OPCML: variants seen among roughly 807,000 people sequenced by gnomAD.
The protein encoded by OPCML is opioid binding protein/cell adhesion molecule like.
In OPCML, 13 loss-of-function variants were observed where a neutral mutation model predicts 37.8. The observed-to-expected ratio is 0.34, with a 90% CI of 0.22 to 0.55. OPCML has a LOEUF of 0.55. Ranked by LOEUF, OPCML falls within the 20% of genes least tolerant of loss-of-function variation. The probability of loss-of-function intolerance (pLI) is 0.91; values close to 1 mark genes in which losing one functional copy is unlikely to be tolerated. For missense variants in OPCML, 341 were observed against 435.6 expected (o/e 0.78, Z 1.93); for synonymous variants, 176 against 168.8 (o/e 1.04, Z -0.33).
chr11:132,832,539 T>C (rs1940756322), intron 2 of OPCML, among the ~76,000 whole-genome samples: 1 of 152,160 alleles, frequency 6.6e-6, no homozygotes, highest in Non-Finnish European at 1.5e-5. Context: ...ATTAATCAGA[T>C]TTTCCAAAAA....
chr11:133,279,071 T>C (rs949003872), intron 1 of OPCML, among the ~76,000 whole-genome samples: 1 of 152,200 alleles, frequency 6.6e-6, no homozygotes, highest in African/African-American at 2.4e-5. Flanking sequence ...CTCCAGACCT[T>C]GCCACTAGTA....
chr11:132,861,947 T>C (rs891126491), intron 2 of OPCML, among the ~76,000 whole-genome samples: 2 of 152,212 alleles, frequency 1.3e-5, no homozygotes, highest in Non-Finnish European at 2.9e-5. Flanking sequence ...GGTACTTGTT[T>C]AGTCTTTTTG....
At chr11:132,580,419 C>A (rs2096459897) in intron 3 of OPCML, among the ~76,000 whole-genome samples, 1 of 152,124 alleles carries the variant, frequency 6.6e-6, no homozygotes, top group Admixed American at 6.5e-5. Context: ...ATCATGAATT[C>A]ATAGCAGTCA....
chr11:133,430,272 A>C (rs1946090576), intron 1 of OPCML, among the ~76,000 whole-genome samples: 1 of 152,184 alleles, frequency 6.6e-6, no homozygotes, highest in South Asian at 2.1e-4. Flanking sequence ...AAAAGAGGAA[A>C]GAAATTGAAG....
intron 4 of OPCML, among the ~76,000 whole-genome samples, chr11:132,490,539 C>T (rs1397657950): frequency 6.9e-6 from 1 of 144,370 alleles, no homozygotes; most frequent in Non-Finnish European, 1.5e-5. Flanking sequence ...ATCTTCCGGC[C>T]TGACCTTTGC....
chr11:133,122,368 T>C (rs905262763), intron 1 of OPCML, among the ~76,000 whole-genome samples: 14 of 152,202 alleles, frequency 9.2e-5, no homozygotes, highest in Admixed American at 4.6e-4. Flanking sequence ...TAAAGTCTTC[T>C]CCAAGAAAAA....
At chr11:132,897,962 C>T (rs1009692250) in intron 2 of OPCML, among the ~76,000 whole-genome samples, 8 of 152,172 alleles carry the variant, frequency 5.3e-5, no homozygotes, top group African/African-American at 1.9e-4. Flanking sequence ...TGTTAATATT[C>T]AGGAGGGTAG....
intron 1 of OPCML, among the ~76,000 whole-genome samples, chr11:133,175,662 T>G (rs1325247866): frequency 1.3e-5 from 2 of 151,606 alleles, no homozygotes; most frequent in Admixed American, 6.6e-5. Flanking sequence ...ACTGACTTTT[T>G]TTTTTTTTTT....
intron 2 of OPCML, among the ~76,000 whole-genome samples, chr11:132,832,769 C>T (rs563568633): frequency 1.3e-5 from 2 of 152,168 alleles, no homozygotes; most frequent in Non-Finnish European, 2.9e-5. Context: ...GCCTACTGCA[C>T]ACCTAGGCTA....
chr11:132,809,999 G>A (rs997874476), intron 2 of OPCML, among the ~76,000 whole-genome samples: 11 of 152,166 alleles, frequency 7.2e-5, no homozygotes, highest in South Asian at 6.2e-4. Flanking sequence ...ACAGGCGCCC[G>A]CCACCACGCC....
intron 1 of OPCML, among the ~76,000 whole-genome samples, chr11:133,318,187 A>G (rs1432145324): frequency 6.6e-6 from 1 of 152,188 alleles, no homozygotes; most frequent in Admixed American, 6.5e-5. Context: ...TGATCAGAAC[A>G]TACACACGTC....
Position 133,447,962 on chromosome 11 carries a change from TA to T in OPCML, c.61+84301del, listed in dbSNP as rs142793446. ...AGTGTTTTATTAGCTATGTAAGTTT[TA>T]AATGTTGGCTTTCAGCCTGTGGCTA... is the stretch of plus-strand genomic sequence containing the variant. On this transcript the variant is annotated intron_variant, in intron 1 of 7. Coordinates refer to ENST00000524381, the MANE Select transcript of OPCML (RefSeq NM_001012393.5). Among the ~76,000 whole-genome samples, 1,098 of 152,368 alleles carry T rather than the reference TA, an allele frequency of 7.2e-3. 11 individuals carry two copies. The highest frequency in any genetic ancestry group is 0.025 in the African/African-American group (1,054 of 41,594).
At chr11:132,666,194 G>T (rs115039056) in intron 2 of OPCML, among the ~76,000 whole-genome samples, 1 of 152,112 alleles carries the variant, frequency 6.6e-6, no homozygotes, top group African/African-American at 2.4e-5. Flanking sequence ...CGTGGCTCAC[G>T]GCTCTGCAGG....
rs1468667030 is a variant in OPCML at position 133,208,202 on chromosome 11, T to C, written c.62-265192A>G. ...CAGACTGTCTATCTTGCTCACCATTTATCTCAAGCATTTAGCTTATTGCTT... is the reference window on the plus strand; with the variant it reads ...CAGACTGTCTATCTTGCTCACCATTCATCTCAAGCATTTAGCTTATTGCTT... On this transcript the variant is annotated intron_variant, in intron 1 of 7. Coordinates refer to ENST00000524381, the MANE Select transcript of OPCML (RefSeq NM_001012393.5). This position sits in a 1 kb window ranked among gnomAD's most constrained non-coding sequence, Gnocchi z 8.9. Among the ~76,000 whole-genome samples the C allele has an allele frequency of 2.6e-5, 4 of 152,220 alleles. No individual in the cohort carries two copies. The highest frequency in any genetic ancestry group is 4.4e-5 in the Non-Finnish European group (3 of 68,030).
At chr11:132,551,976 C>G (rs762342577) in intron 3 of OPCML, among the ~76,000 whole-genome samples, 1 of 152,262 alleles carries the variant, frequency 6.6e-6, no homozygotes, top group South Asian at 2.1e-4. Context: ...TCTGTGCTCC[C>G]CTCAATTCCG....
At position 133,241,618 on chromosome 11, in the gene OPCML, C is replaced by A. The variant is rs117824800; in HGVS notation, c.61+290646G>T. Among the ~76,000 whole-genome samples the A allele has an allele frequency of 1.7e-3, 265 of 152,300 alleles. 9 individuals are homozygous for A. In the East Asian group the frequency reaches 0.047, roughly 27 times the overall value. ...TAACTAGCCTTCGCTCACATTTTAA[C>A]CCTATTAGGAAATTTTATAGTTAAA... On this transcript the variant is annotated intron_variant, in intron 1 of 7. Transcript: ENST00000524381.
intron 2 of OPCML, among the ~76,000 whole-genome samples, chr11:132,725,655 C>A (rs1308948840): frequency 6.6e-6 from 1 of 151,958 alleles, no homozygotes; most frequent in East Asian, 1.9e-4. Context: ...ACTTGTAAAA[C>A]TGAATGCCTT....
At chr11:133,452,918 CA>C (rs1361335809) in intron 1 of OPCML, among the ~76,000 whole-genome samples, 1 of 148,510 alleles carries the variant, frequency 6.7e-6, no homozygotes, top group Non-Finnish European at 1.5e-5. Flanking sequence ...CAACCTCAAC[CA>C]AAAGTAGCCA....
intron 1 of OPCML, among the ~76,000 whole-genome samples, chr11:133,251,117 A>G (rs183536781): frequency 6.6e-6 from 1 of 152,286 alleles, no homozygotes; most frequent in Admixed American, 6.5e-5. Context: ...CCACATTCAT[A>G]TGCTTATGGC....
Sources: allele counts gnomAD v4.1 joint callset (sites outside exome capture counted in the v4.1 genomes callset), GRCh38; gene constraint gnomAD v4.1.1; non-coding constraint Gnocchi (gnomAD v3.1); transcripts MANE v1.5; gene names NCBI Gene and HGNC (gene_info 2026-07-23, HGNC 2026-07-21).